The following BPNT1 variants were observed in gnomAD, a reference collection of about 807,000 sequenced individuals.
The protein encoded by BPNT1 is 3'(2'), 5'-bisphosphate nucleotidase 1.
Under a neutral mutation model 36.9 loss-of-function variants are expected in BPNT1, and 28 were observed. The ratio of observed to expected loss-of-function variants is 0.76; its 90% confidence interval spans 0.56 to 1.04. BPNT1 has a LOEUF of 1.04. Ranked by LOEUF, BPNT1 falls within the 50% of genes least tolerant of loss-of-function variation. The pLI, the probability that BPNT1 is intolerant of heterozygous loss-of-function variation, is 0.00. For missense variants in BPNT1, 313 were observed against 372.9 expected (o/e 0.84, Z 1.32); for synonymous variants, 119 against 130.9 (o/e 0.91, Z 0.62).
At chr1:220,068,868 C>A (rs1159685753) in intron 5 of BPNT1, among the ~76,000 whole-genome samples, 1 of 152,066 alleles carries the variant, frequency 6.6e-6, no homozygotes, top group African/African-American at 2.4e-5. Flanking sequence ...TTTATATGGC[C>A]AATTTTATTT....
At chr1:220,060,433 AC>A (rs1413875148) in intron 7 of BPNT1, among the ~76,000 whole-genome samples, 1 of 152,064 alleles carries the variant, frequency 6.6e-6, no homozygotes, top group Non-Finnish European at 1.5e-5. Context: ...CCAAGACTGC[AC>A]CACTTCACTC....
chr1:220,061,072 A>G (rs1202072969), intron 7 of BPNT1, among the ~76,000 whole-genome samples: 2 of 152,186 alleles, frequency 1.3e-5, no homozygotes, highest in Non-Finnish European at 2.9e-5. Context: ...ATGTTTCCTA[A>G]TCAGATTTTA....
intron 5 of BPNT1, among the ~76,000 whole-genome samples, chr1:220,067,619 C>A (rs1320488254): frequency 6.6e-6 from 1 of 152,164 alleles, no homozygotes; most frequent in Non-Finnish European, 1.5e-5. Flanking sequence ...CTCATTAGTA[C>A]AATGTGTAAA....
At position 220,058,534 on chromosome 1, in the gene BPNT1, G is replaced by GT. The variant is rs895686913; in HGVS notation, c.*309dup. ...AACTTTAAGTACTTTTTGGGTTTTTGTTTTTTTTTTTTCTGAGACAGGGCT... is the reference window on the plus strand; with the variant it reads ...AACTTTAAGTACTTTTTGGGTTTTTGTTTTTTTTTTTTTCTGAGACAGGGCT... On this transcript the variant is annotated 3_prime_UTR_variant, in exon 9 of 9. Coordinates refer to ENST00000322067, the MANE Select transcript of BPNT1 (RefSeq NM_006085.6). The GT allele has an allele frequency of 0.21, 146,868 of 698,560 alleles. No individual in the cohort carries two copies. Among genetic ancestry groups the GT allele is most frequent in the Non-Finnish European group, 0.24 (133,491 of 565,310 alleles). 43.3% of individuals were successfully genotyped at this position (698,560 alleles called of 1,614,324 possible).
At chr1:220,070,101 A>G (rs1177348424) in intron 4 of BPNT1, among the ~76,000 whole-genome samples, 1 of 152,160 alleles carries the variant, frequency 6.6e-6, no homozygotes, top group African/African-American at 2.4e-5. Flanking sequence ...CACAGTTGCT[A>G]CTCATTTTTA....
chr1:220,066,059 G>T (rs1234249781), intron 6 of BPNT1: 1 of 1,513,580 alleles, frequency 6.6e-7, no homozygotes, highest in South Asian at 1.2e-5. Context: ...CAAAACCCTA[G>T]CTATTTTTCT....
chr1:220,083,308 G>C (rs1044670192), intron 1 of BPNT1, among the ~76,000 whole-genome samples: 2 of 150,758 alleles, frequency 1.3e-5, no homozygotes, highest in African/African-American at 2.4e-5. Context: ...TGGAAATTAA[G>C]ATGAAAATTA....
At chr1:220,081,197 T>C (rs987554732) in intron 1 of BPNT1, among the ~76,000 whole-genome samples, 3 of 152,068 alleles carry the variant, frequency 2.0e-5, no homozygotes, top group Non-Finnish European at 2.9e-5. Flanking sequence ...GCCTCCCAAG[T>C]GCTGGGATTA....
intron 7 of BPNT1, among the ~76,000 whole-genome samples, chr1:220,061,519 G>C (rs1372632707): frequency 2.2e-4 from 30 of 139,240 alleles, no homozygotes; most frequent in Non-Finnish European, 3.4e-4. Context: ...GGGCAACAGA[G>C]TAAGACTCCG....
chr1:220,080,191 A>C (rs560358196), intron 1 of BPNT1, among the ~76,000 whole-genome samples: 2 of 152,310 alleles, frequency 1.3e-5, no homozygotes, highest in Admixed American at 1.3e-4. Flanking sequence ...TTGTAGGCTA[A>C]AAATATGAGA....
chr1:220,062,786 C>T lies in BPNT1; in HGVS notation c.643G>A (p.Val215Met). 1 of 1,614,194 alleles carries T rather than the reference C, an allele frequency of 6.2e-7. No individual in the cohort carries two copies. Among genetic ancestry groups the T allele is most frequent in the Non-Finnish European group, 8.5e-7 (1 of 1,180,034 alleles). Residue 215 changes from valine (V) to methionine (M), a missense_variant, in exon 7 of 9, where the codon GTG (valine) becomes ATG (methionine). By Grantham distance (21) the Val-to-Met change is conservative. Coordinates refer to ENST00000322067, the MANE Select transcript of BPNT1 (RefSeq NM_006085.6). ...TTTCCTGCTCCTCCTACTCGCAGCA[C>T]AGCATCGGGGTTCATAGCAGCAACA... ...DCVAAMNPDA[V>M]LRVGGAGNKI...
At chr1:220,071,687 T>C (rs1414681791) in intron 4 of BPNT1, among the ~76,000 whole-genome samples, 1 of 152,178 alleles carries the variant, frequency 6.6e-6, no homozygotes. Flanking sequence ...TCTATTTCTT[T>C]TCTTTTTTCT....
Position 220,072,876 on chromosome 1 carries a change from G to A in BPNT1, c.307C>T (p.Gln103Ter). The A allele has an allele frequency of 1.2e-6, 2 of 1,614,036 alleles. No individual in the cohort carries two copies. The highest frequency in any genetic ancestry group is 1.1e-5 in the South Asian group (1 of 91,082). Residue 103 changes from glutamine (Q) to a stop codon, truncating the protein, a stop_gained, in exon 4 of 9, where the codon CAG (glutamine) becomes TAG (stop). Coordinates refer to ENST00000322067, the MANE Select transcript of BPNT1 (RefSeq NM_006085.6). LOFTEE classifies it high-confidence loss of function. Reference sequence around the variant, plus strand: ...TCTTCTTCTTTAATAGCACTGTACTGCGATGGGCATGGTTGCTTCAGTATT... The same window carrying A: ...TCTTCTTCTTTAATAGCACTGTACTACGATGGGCATGGTTGCTTCAGTATT... Reference protein sequence around the residue: ...EEILKQPCPSQYSAIKEEDLV... With the variant: ...EEILKQPCPS
At chr1:220,089,206 G>C (rs116836870) in intron 1 of BPNT1, among the ~76,000 whole-genome samples, 2,181 of 152,154 alleles carry the variant, frequency 0.014, 20 homozygotes, top group Non-Finnish European at 0.021. Context: ...GTTTGCAAGG[G>C]TGTGAGGGAA....
In BPNT1 at chr1:220,078,282, T is replaced by G. The variant is rs1233776401; in HGVS notation, c.120+1445A>C. On this transcript the variant is annotated intron_variant, in intron 2 of 8. Coordinates refer to ENST00000322067, the MANE Select transcript of BPNT1 (RefSeq NM_006085.6). ...TGTAAAATTTGTAATGTGAAGTAAT[T>G]ACCAAATCCCAAGGAAGATTTATAT... is the stretch of plus-strand genomic sequence containing the variant. 6.2e-5 allele frequency among the ~76,000 whole-genome samples: 9 copies of G among 145,636 alleles called. No individual in the cohort carries two copies. The South Asian group carries it at 1.7e-3, about 27-fold the overall frequency.
intron 7 of BPNT1, among the ~76,000 whole-genome samples, chr1:220,060,318 T>G (rs1393138460): frequency 6.6e-6 from 1 of 151,962 alleles, no homozygotes; most frequent in Non-Finnish European, 1.5e-5. Flanking sequence ...CTACTAAAAA[T>G]ACAAAAAATT....
At chr1:220,075,702 A>G (rs1161771874) in intron 2 of BPNT1, among the ~76,000 whole-genome samples, 1 of 152,258 alleles carries the variant, frequency 6.6e-6, no homozygotes, top group Non-Finnish European at 1.5e-5. Flanking sequence ...TTCCTATTCT[A>G]TCAACATAGT....
intron 7 of BPNT1, among the ~76,000 whole-genome samples, chr1:220,060,221 A>G (rs761192975): frequency 6.6e-5 from 10 of 152,188 alleles, no homozygotes; most frequent in Non-Finnish European, 1.3e-4. Flanking sequence ...CACTCCTGTA[A>G]TGCCAGCACT....
At chr1:220,075,605 C>A (rs557338581) in intron 2 of BPNT1, among the ~76,000 whole-genome samples, 39 of 152,178 alleles carry the variant, frequency 2.6e-4, no homozygotes, top group African/African-American at 8.9e-4. Flanking sequence ...AGTTTGTAGA[C>A]CACTGCGGTA....
Sources: allele counts gnomAD v4.1 joint callset (sites outside exome capture counted in the v4.1 genomes callset), GRCh38; gene constraint gnomAD v4.1.1; transcripts MANE v1.5; gene names NCBI Gene and HGNC (gene_info 2026-07-23, HGNC 2026-07-21).